EPS15L1: variants seen among roughly 807,000 people sequenced by gnomAD.
EPS15L1 encodes the protein epidermal growth factor receptor substrate 15-like 1.
In EPS15L1, 43 loss-of-function variants were observed where a neutral mutation model predicts 117.1. The observed-to-expected ratio is 0.37, with a 90% CI of 0.29 to 0.47. The LOEUF is 0.47. Among genes scored for constraint, EPS15L1 ranks in the 20% least tolerant of loss-of-function variants. The probability of loss-of-function intolerance (pLI) is 0.99; values close to 1 mark genes in which losing one functional copy is unlikely to be tolerated. For missense variants in EPS15L1, 981 were observed against 1,164.0 expected (o/e 0.84, Z 2.29); for synonymous variants, 459 against 470.5 (o/e 0.98, Z 0.32).
At chr19:16,386,910 A>AACAGACTACAGTCTCTACAC (rs1439655510) in intron 19 of EPS15L1, among the ~76,000 whole-genome samples, 1 of 152,218 alleles carries the variant, frequency 6.6e-6, no homozygotes, top group African/African-American at 2.4e-5. Context: ...CTTTGGAGAA[A>AACAGACTACAGTCTCTACAC]ACAGACTACA....
chr19:16,435,557 C>A (rs2092970647), intron 6 of EPS15L1, among the ~76,000 whole-genome samples: 2 of 152,066 alleles, frequency 1.3e-5, no homozygotes, highest in South Asian at 4.1e-4. Flanking sequence ...AAGACAAAAA[C>A]CAAGACAGAG....
chr19:16,442,285 C>T, intron 1 of EPS15L1, 66 bp from the exon 2 acceptor site: 1 of 1,439,882 alleles, frequency 6.9e-7, no homozygotes. Context: ...AAAGGGTTGC[C>T]CCCTCAATTT....
At chr19:16,388,797 A>T (rs2092448014) in intron 19 of EPS15L1, among the ~76,000 whole-genome samples, 1 of 152,176 alleles carries the variant, frequency 6.6e-6, no homozygotes, top group Non-Finnish European at 1.5e-5. Flanking sequence ...ACTGCACTCC[A>T]GCCTGGGCAA....
intron 7 of EPS15L1, 132 bp downstream of exon 7, chr19:16,434,233 G>T: frequency 7.9e-7 from 1 of 1,258,414 alleles, no homozygotes; most frequent in Non-Finnish European, 1.1e-6. Flanking sequence ...CAGGAGCGCT[G>T]ATGAAAGCCC....
chr19:16,464,821 C>A (rs143031965), intron 1 of EPS15L1, among the ~76,000 whole-genome samples: 2 of 152,108 alleles, frequency 1.3e-5, no homozygotes, highest in East Asian at 1.9e-4. Context: ...TGGTGGCTCA[C>A]GCCTGTAATC....
chr19:16,362,058 T>C, intron 22 of EPS15L1, 74 bp from the exon 23 acceptor site: 1 of 1,430,818 alleles, frequency 7.0e-7, no homozygotes, highest in South Asian at 1.5e-5. Flanking sequence ...AGCAGAATGC[T>C]GGTGGGCACA....
intron 22 of EPS15L1, among the ~76,000 whole-genome samples, chr19:16,367,514 A>AC (rs1215470179): frequency 2.7e-5 from 4 of 149,130 alleles, no homozygotes; most frequent in Admixed American, 6.6e-5. Context: ...AAAAAAAAAA[A>AC]AAAAAAAAAA....
chr19:16,374,038 G>A (rs563055732), intron 22 of EPS15L1, among the ~76,000 whole-genome samples: 75 of 152,324 alleles, frequency 4.9e-4, no homozygotes, highest in South Asian at 3.9e-3. Flanking sequence ...AAAATGCTGC[G>A]CGTGCATTGG....
chr19:16,400,555 G>T, intron 16 of EPS15L1: 2 of 789,048 alleles, frequency 2.5e-6, no homozygotes, highest in Non-Finnish European at 3.1e-6. Flanking sequence ...CGGCTCTGAA[G>T]CAGTCTTGAA....
intron 21 of EPS15L1, among the ~76,000 whole-genome samples, chr19:16,379,074 C>G (rs960092457): frequency 1.3e-5 from 2 of 152,234 alleles, no homozygotes; most frequent in South Asian, 4.1e-4. Flanking sequence ...GAGGCCGAGG[C>G]GGGCAGATCA....
chr19:16,442,552 G>A lies in EPS15L1; in HGVS notation c.34-333C>T, dbSNP rs141373053. Among the ~76,000 whole-genome samples, 4 of 152,252 alleles carry A rather than the reference G, an allele frequency of 2.6e-5. No homozygotes were observed. The East Asian group carries it at 7.7e-4, about 29-fold the overall frequency. ...ATTTCAGCTCCTGGAGAGCTCAGAG[G>A]GAAAGGACACTCTATCCTCTGAGAT... On this transcript the variant is annotated intron_variant, in intron 1 of 23. Transcript: ENST00000455140.
chr19:16,356,216 C>T lies in EPS15L1; in HGVS notation c.2587-365G>A, dbSNP rs747897872. The T allele has an allele frequency of 7.0e-5, 20 of 286,362 alleles. 1 individual carries two copies. Among genetic ancestry groups the T allele is most frequent in the South Asian group, 4.6e-4 (7 of 15,346 alleles). The allele number at this position is 286,362 out of a possible 1,614,324, so 17.7% of individuals were successfully genotyped here. On this transcript the variant is annotated intron_variant, in intron 23 of 23. Transcript: ENST00000455140. ...CAGCGTGCATGGCTCTAAAGCCCCA[C>T]GGCGCAGACAATTCTGCACTCTGGG...
chr19:16,381,283 A>G lies in EPS15L1; in HGVS notation c.2247+3846T>C, dbSNP rs962742275. 2.0e-5 allele frequency among the ~76,000 whole-genome samples: 3 copies of G among 152,262 alleles called. No individual in the cohort carries two copies. The highest frequency in any genetic ancestry group is 4.4e-5 in the Non-Finnish European group (3 of 68,046). ...CACAAAGGAGGCGCAGCCTGCCCAC[A>G]TCACACAGCAGGTCCACGGCGGATC... On this transcript the variant is annotated intron_variant, in intron 21 of 23. Transcript: ENST00000455140. The surrounding 1 kb of genome is among the most constrained non-coding windows in gnomAD (Gnocchi z 4.2).
intron 22 of EPS15L1, among the ~76,000 whole-genome samples, chr19:16,376,686 C>T (rs376724947): frequency 2.0e-4 from 31 of 152,362 alleles, no homozygotes; most frequent in African/African-American, 6.5e-4. Context: ...CCCTCACCCC[C>T]AACAGGCCCT....
At chr19:16,384,528 G>A (rs944212642) in intron 21 of EPS15L1, among the ~76,000 whole-genome samples, 12 of 152,176 alleles carry the variant, frequency 7.9e-5, no homozygotes, top group African/African-American at 2.7e-4. Context: ...AGCGTCTGGA[G>A]AAGCCCTACA....
chr19:16,416,151 AC>A (rs1430012155), intron 12 of EPS15L1, among the ~76,000 whole-genome samples: 4 of 151,346 alleles, frequency 2.6e-5, no homozygotes, highest in African/African-American at 9.7e-5. Flanking sequence ...CTGATAGAAT[AC>A]TGCACCTGTT....
chr19:16,396,107 A>G (rs542390158), intron 16 of EPS15L1, among the ~76,000 whole-genome samples: 1 of 144,506 alleles, frequency 6.9e-6, no homozygotes, highest in African/African-American at 2.5e-5. Context: ...CTGTATCTTT[A>G]AAAAAAAAAA....
At chr19:16,457,398 G>A (rs2093207854) in intron 1 of EPS15L1, among the ~76,000 whole-genome samples, 1 of 152,164 alleles carries the variant, frequency 6.6e-6, no homozygotes, top group South Asian at 2.1e-4. Flanking sequence ...AGGAGACCTG[G>A]AAGGCCCCCC....
intron 21 of EPS15L1, among the ~76,000 whole-genome samples, chr19:16,380,517 G>A (rs1466256379): frequency 6.6e-6 from 1 of 151,936 alleles, no homozygotes; most frequent in Non-Finnish European, 1.5e-5. Flanking sequence ...TCACACACAC[G>A]CAGCCATCTA....
Sources: allele counts gnomAD v4.1 joint callset (sites outside exome capture counted in the v4.1 genomes callset), GRCh38; gene constraint gnomAD v4.1.1; non-coding constraint Gnocchi (gnomAD v3.1); transcripts MANE v1.5; gene names NCBI Gene and HGNC (gene_info 2026-07-23, HGNC 2026-07-21).